SBNO1: variants seen among roughly 807,000 people sequenced by gnomAD.
The protein encoded by SBNO1 is strawberry notch homolog 1.
In SBNO1, 23 loss-of-function variants were observed where a neutral mutation model predicts 173.6. That is an observed-to-expected ratio of 0.13 (90% CI 0.10 to 0.19). The LOEUF (loss-of-function observed/expected upper bound fraction) is 0.19. Ranked by LOEUF, SBNO1 falls within the 10% of genes least tolerant of loss-of-function variation. SBNO1 has a pLI of 1.00. For synonymous variants in SBNO1, 632 were observed against 571.5 expected (o/e 1.11, Z -1.51); for missense variants, 1,238 against 1,671.2 (o/e 0.74, Z 4.52).
In SBNO1 at chr12:123,328,619, T is replaced by G. The variant is rs1025644235; in HGVS notation, c.1296+115A>C. The G allele has an allele frequency of 2.0e-5, 17 of 838,462 alleles. No individual in the cohort carries two copies. The African/African-American group carries it at 2.8e-4, about 14-fold the overall frequency. The allele number at this position is 838,462 out of a possible 1,614,324, so 51.9% of individuals were successfully genotyped here. ...ATCCCTTTGGACTCTAGGTAATCATTAAAGTTTTCACTCCAGCAACTCGTT... is the reference window on the plus strand; with the variant it reads ...ATCCCTTTGGACTCTAGGTAATCATGAAAGTTTTCACTCCAGCAACTCGTT... On this transcript the variant is annotated intron_variant, in intron 10 of 31. Coordinates refer to ENST00000602398, the MANE Select transcript of SBNO1 (RefSeq NM_001167856.3).
Position 123,323,819 on chromosome 12 carries a change from C to T in SBNO1, c.1986G>A (p.Gln662=), listed in dbSNP as rs141509469. ...DFVSTAKGVL[Q]SLIEKHFPAP... is the part of the protein sequence containing the mutation. ...CAGGAAAATGTTTTTCAATGAGTGA[C>T]TGCAACACACCTCTGTAGGAGAGAA... The change falls in exon 16 of 32, where the codon CAG becomes CAA. Residue 662 remains glutamine (Q), a synonymous_variant. Coordinates refer to ENST00000602398, the MANE Select transcript of SBNO1 (RefSeq NM_001167856.3). 4 of 1,609,852 alleles carry T rather than the reference C, an allele frequency of 2.5e-6. No homozygotes were observed. The highest frequency in any genetic ancestry group is 1.3e-5 in the African/African-American group (1 of 74,730).
intron 28 of SBNO1, among the ~76,000 whole-genome samples, chr12:123,305,242 C>T (rs779827239): frequency 6.6e-6 from 1 of 152,194 alleles, no homozygotes; most frequent in African/African-American, 2.4e-5. Context: ...CAAGATAAGG[C>T]CTTGGATGGC....
intron 1 of SBNO1, among the ~76,000 whole-genome samples, chr12:123,354,941 G>C (rs1874271060): frequency 6.6e-6 from 1 of 152,168 alleles, no homozygotes; most frequent in African/African-American, 2.4e-5. Flanking sequence ...TATAATCCCA[G>C]CATTTTGGGA....
At chr12:123,355,869 C>A (rs900409121) in intron 1 of SBNO1, among the ~76,000 whole-genome samples, 1 of 152,100 alleles carries the variant, frequency 6.6e-6, no homozygotes, top group African/African-American at 2.4e-5. Flanking sequence ...ATAAGTAAGA[C>A]ACAAAGACAC....
chr12:123,304,773 A>G, intron 28 of SBNO1, 54 bp from the exon 29 acceptor site: 2 of 1,162,014 alleles, frequency 1.7e-6, no homozygotes, highest in Non-Finnish European at 2.5e-6. Context: ...ACTTTAAGAC[A>G]TGTTTCTGTA....
rs554023845 is a variant in SBNO1 at position 123,358,656 on chromosome 12, T to C, written c.-1+6045A>G. 1.2e-4 allele frequency among the ~76,000 whole-genome samples: 16 copies of C among 134,232 alleles called. No individual in the cohort carries two copies. In the South Asian group the frequency reaches 3.5e-3, roughly 29 times the overall value. 88.1% of individuals were successfully genotyped at this position (134,232 alleles called of 152,430 possible). A position where few individuals can be genotyped will look rare whatever the true frequency, so the allele number is the denominator to read the frequency against. On this transcript the variant is annotated intron_variant, in intron 1 of 31. Transcript: ENST00000602398. ...TACTCAGGAGGCTGAGGCAGGAGAATGGCGTGAACCCAGGAGGCAGAGCTT... is the reference window on the plus strand; with the variant it reads ...TACTCAGGAGGCTGAGGCAGGAGAACGGCGTGAACCCAGGAGGCAGAGCTT...
In SBNO1 at chr12:123,321,525, C is replaced by G; in HGVS notation, c.2323+10G>C. 1 of 1,585,934 alleles carries G rather than the reference C, an allele frequency of 6.3e-7. No homozygotes were observed. The highest frequency in any genetic ancestry group is 8.7e-7 in the Non-Finnish European group (1 of 1,154,436). Reference sequence around the variant, plus strand: ...TATGCTTTCGTGTATATTTAATATACTGAACTTACCATTTTCATCATCCTC... The same window carrying G: ...TATGCTTTCGTGTATATTTAATATAGTGAACTTACCATTTTCATCATCCTC... On this transcript the variant is annotated intron_variant, in intron 17 of 31. Coordinates refer to ENST00000602398, the MANE Select transcript of SBNO1 (RefSeq NM_001167856.3).
intron 7 of SBNO1, among the ~76,000 whole-genome samples, chr12:123,331,742 G>A (rs548571523): frequency 1.3e-5 from 2 of 152,152 alleles, no homozygotes; most frequent in Admixed American, 6.5e-5. Flanking sequence ...GGATGATCTC[G>A]ATCTCCTGAC....
chr12:123,329,004 C>A, intron 9 of SBNO1, 109 bp from the exon 10 acceptor site: 1 of 597,954 alleles, frequency 1.7e-6, no homozygotes, highest in South Asian at 2.9e-5. Flanking sequence ...CCATGACAGG[C>A]TTCAGAAAAC....
Position 123,327,640 on chromosome 12 carries a change from T to C in SBNO1, c.1539-61A>G, listed in dbSNP as rs186482013. ...CAGTAGAATTTTAACATACAGAGAA[T>C]GGGCTTTAGGAATAACACACTTCTT... On this transcript the variant is annotated intron_variant, in intron 12 of 31. Coordinates refer to ENST00000602398, the MANE Select transcript of SBNO1 (RefSeq NM_001167856.3). 1,101 of 1,593,692 alleles carry C rather than the reference T, an allele frequency of 6.9e-4. 2 individuals carry two copies. Among genetic ancestry groups the C allele is most frequent in the Non-Finnish European group, 9.1e-4 (1,052 of 1,162,150 alleles).
rs548945138 is a variant in SBNO1, at chr12:123,319,476, C to G, written c.2799+424G>C. On this transcript the variant is annotated intron_variant, in intron 20 of 31. Transcript: ENST00000602398. ...AGGCTGGAGTGTAGTGGTGCGATCT[C>G]GGCTCACTGCAACCTGCATAGCCCA... 2.0e-5 allele frequency among the ~76,000 whole-genome samples: 3 copies of G among 151,802 alleles called. No individual in the cohort carries two copies. The South Asian group carries it at 6.3e-4, about 32-fold the overall frequency.
Position 123,326,185 on chromosome 12 carries a change from C to T in SBNO1, c.1842G>A (p.Val614=), listed in dbSNP as rs145371715. 10 of 1,610,756 alleles carry T rather than the reference C, an allele frequency of 6.2e-6. No homozygotes were observed. The highest frequency in any genetic ancestry group is 5.3e-5 in the African/African-American group (4 of 74,918). Residue 614 remains valine, a synonymous_variant, in exon 14 of 32, where the codon GTG becomes GTA. Coordinates refer to ENST00000602398, the MANE Select transcript of SBNO1 (RefSeq NM_001167856.3). ...TCTTGATTTCCTCTCGAGCTAGTTG[C>T]ACAACCCTTTTAACTTTGGATGCTA... The part of the protein sequence containing the change: ...LCIASKVKRV[V]QLAREEIKNG...
At chr12:123,319,325 C>A (rs989918540) in intron 20 of SBNO1, among the ~76,000 whole-genome samples, 3 of 152,042 alleles carry the variant, frequency 2.0e-5, no homozygotes, top group African/African-American at 4.8e-5. Flanking sequence ...CACTCAAGAG[C>A]CATATCTGAT....
At position 123,311,145 on chromosome 12, in the gene SBNO1, C is replaced by T; in HGVS notation, c.3221-16G>A. On this transcript the variant is annotated splice_polypyrimidine_tract_variant and intron_variant, in intron 24 of 31. Coordinates refer to ENST00000602398, the MANE Select transcript of SBNO1 (RefSeq NM_001167856.3). ...TGTCGAACATCTGTAAGAACAGGAT[C>T]AATTCTGACTCATAAATTACAAGGG... is the stretch of plus-strand genomic sequence containing the variant. 1 of 1,590,528 alleles carries T rather than the reference C, an allele frequency of 6.3e-7. No individual in the cohort carries two copies. Among genetic ancestry groups the T allele is most frequent in the Middle Eastern group, 1.7e-4 (1 of 6,006 alleles).
intron 29 of SBNO1, among the ~76,000 whole-genome samples, chr12:123,303,658 G>A (rs1266344678): frequency 6.6e-6 from 1 of 151,696 alleles, no homozygotes; most frequent in Non-Finnish European, 1.5e-5. Flanking sequence ...CTTAAGGCTG[G>A]TAACATTAAG....
In SBNO1 at chr12:123,327,324, G is replaced by C. The variant is rs1436885774; in HGVS notation, c.1692+102C>G. ...TGGCTTCATCTGTTGTTTTATAGTA[G>C]AAATACATTCCCATGGGCAGGAGGC... is the stretch of plus-strand genomic sequence containing the variant. On this transcript the variant is annotated intron_variant, in intron 13 of 31. Transcript: ENST00000602398. 5.1e-6 allele frequency: 5 copies of C among 976,980 alleles called. No individual in the cohort carries two copies. In the African/African-American group the frequency reaches 8.2e-5, roughly 16 times the overall value. The allele number at this position is 976,980 out of a possible 1,614,324, so 60.5% of individuals were successfully genotyped here.
At chr12:123,333,078 C>T (rs900463532) in intron 7 of SBNO1, among the ~76,000 whole-genome samples, 2 of 151,618 alleles carry the variant, frequency 1.3e-5, no homozygotes, top group East Asian at 2.0e-4. Flanking sequence ...GAGCCAAGAT[C>T]GCACCATTGC....
chr12:123,324,095 A>G (rs1487902898), intron 15 of SBNO1, among the ~76,000 whole-genome samples: 1 of 152,194 alleles, frequency 6.6e-6, no homozygotes, highest in Admixed American at 6.5e-5. Context: ...TAATTTTAAT[A>G]ATACATTTTA....
chr12:123,331,615 G>C (rs1871217935), intron 7 of SBNO1, among the ~76,000 whole-genome samples: 1 of 151,674 alleles, frequency 6.6e-6, no homozygotes, highest in African/African-American at 2.4e-5. Context: ...TCTGCCTCCC[G>C]GGTTCACACC....
Sources: allele counts gnomAD v4.1 joint callset (sites outside exome capture counted in the v4.1 genomes callset), GRCh38; gene constraint gnomAD v4.1.1; transcripts MANE v1.5; gene names NCBI Gene and HGNC (gene_info 2026-07-23, HGNC 2026-07-21).